The following SND1 variants were observed in gnomAD, a reference collection of about 807,000 sequenced individuals.
SND1 encodes staphylococcal nuclease domain-containing protein 1.
SND1 carries 38 observed loss-of-function variants against 121.7 expected under a neutral mutation model. The ratio of observed to expected loss-of-function variants is 0.31; its 90% CI spans 0.24 to 0.41. SND1 has a LOEUF of 0.41. SND1 is among the 10% of genes least tolerant of loss of function. The probability of loss-of-function intolerance (pLI) is 1.00; values close to 1 mark genes in which losing one functional copy is unlikely to be tolerated. For synonymous variants in SND1, 401 were observed against 447.4 expected, an observed-to-expected ratio of 0.90 and a Z score of 1.31; for missense variants, 868 against 1,184.6, an observed-to-expected ratio of 0.73 and a Z score of 3.92.
chr7:127,940,014 G>A (rs763196069), intron 15 of SND1, among the ~76,000 whole-genome samples: 3 of 152,206 alleles, frequency 2.0e-5, no homozygotes, highest in Non-Finnish European at 2.9e-5. Flanking sequence ...AATGAGGCCA[G>A]TGGAGTAGTA....
intron 16 of SND1, among the ~76,000 whole-genome samples, chr7:127,996,504 TGAG>T (rs1802661048): frequency 1.3e-5 from 2 of 152,172 alleles, no homozygotes; most frequent in Non-Finnish European, 2.9e-5. Flanking sequence ...CCTTCCCTGT[TGAG>T]GAGACCCACA....
chr7:128,021,906 T>A (rs1018876195), intron 16 of SND1, among the ~76,000 whole-genome samples: 2 of 151,984 alleles, frequency 1.3e-5, no homozygotes, highest in Non-Finnish European at 2.9e-5. Flanking sequence ...AGTGGGGCTA[T>A]AAGAAGGTAG....
At chr7:127,926,184 A>G (rs1317067125) in intron 14 of SND1, among the ~76,000 whole-genome samples, 2 of 152,148 alleles carry the variant, frequency 1.3e-5, no homozygotes, top group Admixed American at 1.3e-4. Flanking sequence ...ACTGAAACAA[A>G]TATTAAAGAT....
chr7:128,031,793 TGCCCGGCCCCCGGCG>T (rs1792616942), intron 16 of SND1, among the ~76,000 whole-genome samples: 1 of 143,288 alleles, frequency 7.0e-6, no homozygotes, highest in African/African-American at 2.5e-5. Flanking sequence ...CGCCCGCCGC[TGCCCGGCCCCCGGCG>T]CGCCGCCGGC....
chr7:127,732,085 C>A (rs73723058), intron 10 of SND1, among the ~76,000 whole-genome samples: 2,695 of 152,296 alleles, frequency 0.018, 98 homozygotes, highest in African/African-American at 0.062. Context: ...GATGGTGGAT[C>A]TGGAGACTTC....
chr7:127,679,008 A>G (rs1169710558), intron 1 of SND1: 1 of 152,190 alleles, frequency 6.6e-6, no homozygotes, highest in Non-Finnish European at 1.5e-5. Context: ...GAGTCCCTGC[A>G]TGTGCAGCCT....
intron 12 of SND1, among the ~76,000 whole-genome samples, chr7:127,852,410 C>T (rs1799181965): frequency 6.6e-6 from 1 of 150,878 alleles, no homozygotes; most frequent in African/African-American, 2.4e-5. Flanking sequence ...ATCGCTTGAA[C>T]CCTGGAGGCA....
chr7:127,829,933 A>G (rs1234284036), intron 11 of SND1, among the ~76,000 whole-genome samples: 2 of 152,384 alleles, frequency 1.3e-5, no homozygotes, highest in South Asian at 2.1e-4. Flanking sequence ...TTTTCAGTGA[A>G]TTGGATAAGC....
chr7:127,884,679 A>G (rs1563047146), intron 12 of SND1, among the ~76,000 whole-genome samples: 2 of 152,026 alleles, frequency 1.3e-5, no homozygotes, highest in Non-Finnish European at 2.9e-5. Context: ...GGCTCTTCCC[A>G]GGCCTCCTGG....
chr7:128,012,956 C>T (rs1347901159), intron 16 of SND1, among the ~76,000 whole-genome samples: 2 of 152,194 alleles, frequency 1.3e-5, no homozygotes, highest in South Asian at 4.1e-4. Context: ...CTTCCCATTG[C>T]CCCTGGACCC....
At chr7:127,871,183 T>A (rs745754941) in intron 12 of SND1, among the ~76,000 whole-genome samples, 6 of 152,182 alleles carry the variant, frequency 3.9e-5, no homozygotes, top group Non-Finnish European at 7.3e-5. Context: ...TACCTTCTTC[T>A]GGATACCCCC....
chr7:127,735,815 T>C lies in SND1; in HGVS notation c.1152+14415T>C, dbSNP rs1016580765. On this transcript the variant is annotated intron_variant, in intron 10 of 23. Transcript: ENST00000354725. ...CTAATTTTTGTATTTTTAGTAGAGA[T>C]GGGGTTTCACTGTGTTGACCAGGCT... is the stretch of plus-strand genomic sequence containing the variant. 2.6e-5 allele frequency among the ~76,000 whole-genome samples: 4 copies of C among 152,106 alleles called. No individual in the cohort carries two copies. The South Asian group carries it at 8.3e-4, about 31-fold the overall frequency.
At chr7:127,674,226 A>G (rs1039582689) in intron 1 of SND1, among the ~76,000 whole-genome samples, 1 of 152,200 alleles carries the variant, frequency 6.6e-6, no homozygotes, top group Non-Finnish European at 1.5e-5. Context: ...TCTGGGTACT[A>G]GGTGTGCCCA....
At chr7:128,027,757 A>T (rs1803519624) in intron 16 of SND1, 1 of 152,170 alleles carries the variant, frequency 6.6e-6, no homozygotes, top group African/African-American at 2.4e-5. Context: ...GCACAATGCT[A>T]ATTTATGGCC....
At chr7:127,948,267 C>T (rs1331465408) in intron 15 of SND1, among the ~76,000 whole-genome samples, 1 of 152,160 alleles carries the variant, frequency 6.6e-6, no homozygotes, top group Non-Finnish European at 1.5e-5. Context: ...TCCCTCTCAA[C>T]CCCCCATTGT....
chr7:127,847,738 A>G (rs983631456), intron 12 of SND1, among the ~76,000 whole-genome samples: 4 of 152,232 alleles, frequency 2.6e-5, no homozygotes, highest in African/African-American at 4.8e-5. Context: ...CAACGGGCTC[A>G]CTGCCCGAAG....
chr7:128,021,897 G>T (rs945884625), intron 16 of SND1, among the ~76,000 whole-genome samples: 1 of 152,068 alleles, frequency 6.6e-6, no homozygotes, highest in African/African-American at 2.4e-5. Context: ...TTTTTTATTA[G>T]TGGGGCTATA....
intron 17 of SND1, among the ~76,000 whole-genome samples, chr7:128,074,992 G>A (rs1292300443): frequency 1.3e-5 from 2 of 152,374 alleles, no homozygotes; most frequent in East Asian, 3.9e-4. Flanking sequence ...TGACTGTGGA[G>A]CCATGGGACA....
intron 11 of SND1, among the ~76,000 whole-genome samples, chr7:127,824,213 C>T (rs995644616): frequency 3.3e-5 from 5 of 152,290 alleles, no homozygotes; most frequent in Admixed American, 3.3e-4. Flanking sequence ...ATATTGACTG[C>T]ACTAGGTGAT....
Sources: gnomAD v4.1 joint callset for allele counts (sites outside exome capture counted in the v4.1 genomes callset) on GRCh38, gnomAD v4.1.1 for gene constraint, MANE v1.5 for transcripts, NCBI Gene and HGNC (gene_info 2026-07-23, HGNC 2026-07-21) for gene names.